IGSF5: variants seen among roughly 807,000 people sequenced by gnomAD.
The protein encoded by IGSF5 is immunoglobulin superfamily member 5.
A neutral mutation model predicts 39.4 loss-of-function variants in IGSF5; 41 were observed. That is an observed-to-expected ratio of 1.04 (90% CI 0.81 to 1.35). The LOEUF is 1.35. Among genes scored for constraint, IGSF5 ranks in the 40% most tolerant of loss-of-function variants. The probability of loss-of-function intolerance (pLI) is 0.00; values close to 1 mark genes in which losing one functional copy is unlikely to be tolerated. For synonymous variants in IGSF5, 183 were observed against 175.3 expected (o/e 1.04, Z -0.34); for missense variants, 487 against 494.6 (o/e 0.98, Z 0.15).
Position 39,745,277 on chromosome 21 carries a change from G to A in IGSF5, c.-233G>A, listed in dbSNP as rs946954621. The stretch of plus-strand genomic sequence containing the variant: ...TGCATAACTGCTCATGTCAAGAGCT[G>A]TATACCTAAATTAGGAGGGACGCCA... On this transcript the variant is annotated 5_prime_UTR_variant, in exon 1 of 9. Coordinates refer to ENST00000380588, the MANE Select transcript of IGSF5 (RefSeq NM_001080444.2). 4.8e-6 allele frequency: 2 copies of A among 414,948 alleles called. No individual in the cohort carries two copies. Among genetic ancestry groups the A allele is most frequent in the Admixed American group, 7.6e-5 (2 of 26,192 alleles). The allele number at this position is 414,948 out of a possible 1,614,324, so 25.7% of individuals were successfully genotyped here.
the IGSF5 span, among the ~76,000 whole-genome samples, chr21:39,732,822 C>T: frequency 2.0e-5 from 3 of 152,000 alleles, no homozygotes; most frequent in African/African-American, 7.3e-5. Context: ...GCTCAGGAGT[C>T]TAAGACCAGC....
Position 39,793,003 on chromosome 21 carries a change from A to G in IGSF5, c.1049-531A>G, listed in dbSNP as rs565359594. On this transcript the variant is annotated intron_variant, in intron 7 of 8. Coordinates refer to ENST00000380588, the MANE Select transcript of IGSF5 (RefSeq NM_001080444.2). ...CAAAAATTGGAGCTCTATTTTCAGC[A>G]GCCCCATTTTTTTTGATTTTACCAT... is the stretch of plus-strand genomic sequence containing the variant. Among the ~76,000 whole-genome samples the G allele has an allele frequency of 6.0e-5, 6 of 100,160 alleles. No homozygotes were observed. In the South Asian group the frequency reaches 1.9e-3, roughly 32 times the overall value. 65.7% of individuals were successfully genotyped at this position (100,160 alleles called of 152,430 possible).
intron 8 of IGSF5, among the ~76,000 whole-genome samples, chr21:39,799,376 A>G (rs1171583877): frequency 1.3e-5 from 2 of 152,220 alleles, no homozygotes; most frequent in African/African-American, 4.8e-5. Context: ...TGTGCCAGGA[A>G]CACACTGGGT....
At chr21:39,795,993 AT>A (rs1336658130) in intron 8 of IGSF5, among the ~76,000 whole-genome samples, 1 of 152,196 alleles carries the variant, frequency 6.6e-6, no homozygotes, top group Non-Finnish European at 1.5e-5. Flanking sequence ...GAAGAGGTCT[AT>A]CTTTGATTAT....
the IGSF5 span, among the ~76,000 whole-genome samples, chr21:39,733,418 A>G: frequency 2.6e-5 from 4 of 152,344 alleles, no homozygotes; most frequent in South Asian, 4.1e-4. Flanking sequence ...TAGGTGTCCA[A>G]GTAAAATGCT....
the IGSF5 span, chr21:39,726,039 C>A: frequency 3.9e-5 from 6 of 152,202 alleles, no homozygotes; most frequent in African/African-American, 1.2e-4. Flanking sequence ...AAGTCTCTGT[C>A]TGCCCATCTG....
At chr21:39,792,173 C>A (rs2086969519) in intron 7 of IGSF5, 74 bp downstream of exon 7, 5 of 939,752 alleles carry the variant, frequency 5.3e-6, no homozygotes, top group South Asian at 1.6e-5. Flanking sequence ...TGCTAGATAC[C>A]AGCTGCACAG....
chr21:39,793,436 A>C, intron 7 of IGSF5, 98 bp from the exon 8 acceptor site: 1 of 885,602 alleles, frequency 1.1e-6, no homozygotes, highest in Non-Finnish European at 1.9e-6. Context: ...CAGCGGTACT[A>C]CATAAAAGCA....
chr21:39,785,290 G>A (rs2080194318), intron 5 of IGSF5, among the ~76,000 whole-genome samples: 2 of 150,754 alleles, frequency 1.3e-5, no homozygotes, highest in Admixed American at 1.4e-4. Flanking sequence ...AAAAACAATG[G>A]CAGCACCATT....
intron 5 of IGSF5, among the ~76,000 whole-genome samples, chr21:39,781,385 A>G (rs191047420): frequency 6.6e-6 from 1 of 152,304 alleles, no homozygotes; most frequent in Non-Finnish European, 1.5e-5. Context: ...TCTCCAATAT[A>G]TAAGCATTTA....
chr21:39,757,042 T>TCC (rs34782551), intron 2 of IGSF5, among the ~76,000 whole-genome samples: 34,166 of 150,984 alleles, frequency 0.23, 4,614 homozygotes, highest in Non-Finnish European at 0.32. Flanking sequence ...GCAGGCACAG[T>TCC]CCCCCCGAGA....
intron 7 of IGSF5, 86 bp downstream of exon 7, chr21:39,792,185 G>A: frequency 1.2e-6 from 1 of 816,858 alleles, no homozygotes; most frequent in Non-Finnish European, 2.0e-6. Context: ...GCTGCACAGG[G>A]AGGCTAACTT....
upstream of IGSF5, among the ~76,000 whole-genome samples, chr21:39,740,693 C>T (rs770612910): frequency 9.9e-5 from 15 of 152,168 alleles, no homozygotes; most frequent in Non-Finnish European, 1.3e-4. Context: ...ATGGTCCCCT[C>T]GAGTGGCATA....
intron 7 of IGSF5, among the ~76,000 whole-genome samples, chr21:39,793,300 A>T (rs2086976146): frequency 6.6e-6 from 1 of 152,144 alleles, no homozygotes; most frequent in Admixed American, 6.5e-5. Context: ...GGTGAAACTA[A>T]TGTGTCGAGA....
intron 2 of IGSF5, among the ~76,000 whole-genome samples, chr21:39,753,612 A>G (rs2146272671): frequency 6.6e-6 from 1 of 152,246 alleles, no homozygotes; most frequent in East Asian, 1.9e-4. Context: ...CTGTCTGTCT[A>G]ATATTGTAGG....
At position 39,765,645 on chromosome 21, in the gene IGSF5, T is replaced by TG. The variant is rs1202154110; in HGVS notation, c.214dup (p.Ala72GlyfsTer4). The TG allele has an allele frequency of 1.2e-6, 2 of 1,614,034 alleles. No individual in the cohort carries two copies. The highest frequency in any genetic ancestry group is 3.3e-5 in the Admixed American group (2 of 60,006). On this transcript the variant is annotated frameshift_variant, in exon 3 of 9. Coordinates refer to ENST00000380588, the MANE Select transcript of IGSF5 (RefSeq NM_001080444.2). LOFTEE classifies it high-confidence loss of function. ...CTCCCAGGGCTGGAAGCTCATCATG[T>TG]GGGCTCTCAGTGACATGGTGGTGCT...
At position 39,788,237 on chromosome 21, in the gene IGSF5, GAAC is replaced by G. The variant is rs1569258310; in HGVS notation, c.956+58_956+60del. The G allele has an allele frequency of 8.1e-6, 11 of 1,358,228 alleles. No individual in the cohort carries two copies. The South Asian group carries it at 8.6e-5, about 11-fold the overall frequency. The allele number at this position is 1,358,228 out of a possible 1,614,324, so 84.1% of individuals were successfully genotyped here. ...TTCTGAAAACAAAACAAAAAAAATTGAACAACAACAATAATAACAACAATACGT... is the reference window on the plus strand; with the variant it reads ...TTCTGAAAACAAAACAAAAAAAATTGAACAACAATAATAACAACAATACGT... On this transcript the variant is annotated intron_variant, in intron 6 of 8. Transcript: ENST00000380588.
chr21:39,722,943 CTA>C, the IGSF5 span, among the ~76,000 whole-genome samples: 1 of 152,194 alleles, frequency 6.6e-6, no homozygotes, highest in South Asian at 2.1e-4. Context: ...CCTCACAAAG[CTA>C]TGTGAGGTAG....
the IGSF5 span, among the ~76,000 whole-genome samples, chr21:39,726,702 C>T: frequency 6.6e-6 from 1 of 152,170 alleles, no homozygotes; most frequent in Non-Finnish European, 1.5e-5. Flanking sequence ...GGTGATTTTC[C>T]CTTACTGGAA....
Sources: allele counts gnomAD v4.1 joint callset (sites outside exome capture counted in the v4.1 genomes callset), GRCh38; gene constraint gnomAD v4.1.1; transcripts MANE v1.5; gene names NCBI Gene and HGNC (gene_info 2026-07-23, HGNC 2026-07-21).